VTA1: variants seen among roughly 807,000 people sequenced by gnomAD.
VTA1 encodes the protein vacuolar protein sorting-associated protein VTA1 homolog.
VTA1 carries 24 observed loss-of-function variants against 36.9 expected under a neutral mutation model. The ratio of observed to expected loss-of-function variants is 0.65; its 90% CI spans 0.47 to 0.91. The LOEUF is 0.91. VTA1 is among the 40% of genes least tolerant of loss of function. VTA1 has a pLI of 0.00. For synonymous variants in VTA1, 142 were observed against 130.2 expected (o/e 1.09, Z -0.62); for missense variants, 393 against 377.2 (o/e 1.04, Z -0.35).
intron 7 of VTA1, among the ~76,000 whole-genome samples, chr6:142,205,399 A>G (rs556712969): frequency 3.3e-5 from 5 of 152,296 alleles, no homozygotes; most frequent in South Asian, 2.1e-4. Flanking sequence ...TGCTTAGTCT[A>G]CCATCTAGAA....
At chr6:142,179,701 C>G (rs1020854203) in intron 4 of VTA1, among the ~76,000 whole-genome samples, 6 of 152,090 alleles carry the variant, frequency 3.9e-5, no homozygotes, top group Non-Finnish European at 8.8e-5. Context: ...ATGGTTTACC[C>G]AGGTATATTA....
intron 6 of VTA1, among the ~76,000 whole-genome samples, chr6:142,201,288 A>C (rs1468535227): frequency 6.6e-6 from 1 of 151,812 alleles, no homozygotes; most frequent in Non-Finnish European, 1.5e-5. Context: ...CCTCTTACTC[A>C]CGTTAAGAAT....
chr6:142,154,819 T>C (rs1187357670), intron 1 of VTA1, among the ~76,000 whole-genome samples: 1 of 152,152 alleles, frequency 6.6e-6, no homozygotes, highest in Admixed American at 6.5e-5. Flanking sequence ...TTGAGAGTTC[T>C]TAATATATTA....
At position 142,199,574 on chromosome 6, in the gene VTA1, T is replaced by A. The variant is rs1008532241; in HGVS notation, c.697+959T>A. On this transcript the variant is annotated intron_variant, in intron 6 of 7. Coordinates refer to ENST00000367630, the MANE Select transcript of VTA1 (RefSeq NM_016485.5). ...ATTTGTCAGCCTTATTTTACCCAAA[T>A]TTTTTTTATTTTACCCAAATTTTGC... Among the ~76,000 whole-genome samples the A allele has an allele frequency of 5.9e-5, 9 of 152,178 alleles. 1 individual carries two copies. Among genetic ancestry groups the A allele is most frequent in the Middle Eastern group, 3.4e-3 (1 of 294 alleles).
chr6:142,211,666 GCAC>G (rs1344198519), intron 7 of VTA1, among the ~76,000 whole-genome samples: 1 of 147,878 alleles, frequency 6.8e-6, no homozygotes, highest in Non-Finnish European at 1.5e-5. Flanking sequence ...AGCTGAGATA[GCAC>G]CACTGCAGTC....
intron 5 of VTA1, among the ~76,000 whole-genome samples, chr6:142,190,665 C>T (rs989097455): frequency 6.6e-6 from 1 of 152,130 alleles, no homozygotes; most frequent in Non-Finnish European, 1.5e-5. Flanking sequence ...AAATTCCAAA[C>T]GATCCTTGCA....
intron 1 of VTA1, among the ~76,000 whole-genome samples, chr6:142,153,316 G>A (rs1457777838): frequency 6.6e-6 from 1 of 151,548 alleles, no homozygotes; most frequent in Non-Finnish European, 1.5e-5. Flanking sequence ...TGTCGATTGA[G>A]TAAACAAACT....
chr6:142,172,185 T>C (rs536622695), intron 4 of VTA1, among the ~76,000 whole-genome samples: 2 of 152,156 alleles, frequency 1.3e-5, no homozygotes, highest in Non-Finnish European at 2.9e-5. Context: ...TAATTTTTTG[T>C]ATTTTAGCAG....
intron 4 of VTA1, among the ~76,000 whole-genome samples, chr6:142,185,053 C>T (rs1775313140): frequency 6.6e-6 from 1 of 152,076 alleles, no homozygotes. Context: ...ACTTTTCCTT[C>T]TCTCCAGAAT....
chr6:142,154,753 A>T (rs909786796), intron 1 of VTA1, among the ~76,000 whole-genome samples: 1 of 152,104 alleles, frequency 6.6e-6, no homozygotes, highest in Admixed American at 6.5e-5. Context: ...CTTATTTACC[A>T]TATGGGTATC....
chr6:142,174,360 G>T (rs1284087738), intron 4 of VTA1, among the ~76,000 whole-genome samples: 1 of 152,220 alleles, frequency 6.6e-6, no homozygotes, highest in Non-Finnish European at 1.5e-5. Context: ...TTGGACTTGT[G>T]TGGGGCCTAT....
At chr6:142,153,136 ACATAAATGGAATT>A (rs1022897351) in intron 1 of VTA1, among the ~76,000 whole-genome samples, 1 of 152,056 alleles carries the variant, frequency 6.6e-6, no homozygotes, top group Non-Finnish European at 1.5e-5. Flanking sequence ...ACCACCTGAC[ACATAAATGGAATT>A]TACAAATTCT....
chr6:142,162,488 ACC>A, intron 1 of VTA1, among the ~76,000 whole-genome samples: 1 of 152,186 alleles, frequency 6.6e-6, no homozygotes, highest in Non-Finnish European at 1.5e-5. Flanking sequence ...ATGAATAATT[ACC>A]TGATGTGTAT....
chr6:142,173,356 G>T (rs1262339809), intron 4 of VTA1, among the ~76,000 whole-genome samples: 1 of 152,236 alleles, frequency 6.6e-6, no homozygotes, highest in Non-Finnish European at 1.5e-5. Context: ...AGAGGATCAT[G>T]ATAAGGCAAA....
chr6:142,206,754 A>G (rs535403450), intron 7 of VTA1, among the ~76,000 whole-genome samples: 12 of 152,298 alleles, frequency 7.9e-5, no homozygotes, highest in East Asian at 1.9e-4. Context: ...AGACAAATAG[A>G]TCAGTGAGAC....
chr6:142,147,307 TGCCCCC>T lies in VTA1; in HGVS notation c.23_28del (p.Pro8_Pro9del). The T allele has an allele frequency of 6.2e-7, 1 of 1,614,210 alleles. No homozygotes were observed. Among genetic ancestry groups the T allele is most frequent in the Non-Finnish European group, 8.5e-7 (1 of 1,180,032 alleles). ...GTAGAGATGGCCGCGCTTGCACCGCTGCCCCCGCTCCCCGCACAGTTCAAGAGCATA... is the reference window on the plus strand; with the variant it reads ...GTAGAGATGGCCGCGCTTGCACCGCTGCTCCCCGCACAGTTCAAGAGCATA... On this transcript the variant is annotated inframe_deletion, in exon 1 of 8. Coordinates refer to ENST00000367630, the MANE Select transcript of VTA1 (RefSeq NM_016485.5).
chr6:142,182,440 C>T (rs1228796107), intron 4 of VTA1, among the ~76,000 whole-genome samples: 3 of 152,098 alleles, frequency 2.0e-5, no homozygotes, highest in Admixed American at 6.5e-5. Context: ...GTGGAAAAGG[C>T]AAACTCATTA....
chr6:142,191,310 T>C (rs1775450632), intron 5 of VTA1, among the ~76,000 whole-genome samples: 1 of 152,184 alleles, frequency 6.6e-6, no homozygotes, highest in Admixed American at 6.5e-5. Context: ...TGTTGCATTT[T>C]AGGTATATTG....
At chr6:142,154,797 T>C (rs1163561766) in intron 1 of VTA1, among the ~76,000 whole-genome samples, 1 of 152,156 alleles carries the variant, frequency 6.6e-6, no homozygotes, top group Admixed American at 6.5e-5. Flanking sequence ...TTTTTGCTCA[T>C]TATTTTTGAG....
Sources: gnomAD v4.1 joint callset for allele counts (sites outside exome capture counted in the v4.1 genomes callset) on GRCh38, gnomAD v4.1.1 for gene constraint, MANE v1.5 for transcripts, NCBI Gene and HGNC (gene_info 2026-07-23, HGNC 2026-07-21) for gene names.